The following ASCC3 variants were observed in gnomAD, a reference collection of about 807,000 sequenced individuals.
The protein encoded by ASCC3 is activating signal cointegrator 1 complex subunit 3, also known as ASC-1 complex subunit P200.
ASCC3 carries 158 observed loss-of-function variants against 256.3 expected under a neutral mutation model. The ratio of observed to expected loss-of-function variants is 0.62; its 90% confidence interval spans 0.54 to 0.70. The LOEUF is 0.70. ASCC3 is among the 30% of genes least tolerant of loss of function. The pLI is 0.00. For synonymous variants in ASCC3, 948 were observed against 883.4 expected (o/e 1.07, Z -1.30); for missense variants, 2,259 against 2,626.0 (o/e 0.86, Z 3.05).
intron 10 of ASCC3, among the ~76,000 whole-genome samples, chr6:100,747,450 G>T (rs1780733719): frequency 6.6e-6 from 1 of 152,010 alleles, no homozygotes; most frequent in African/African-American, 2.4e-5. Flanking sequence ...GTTCACAGCA[G>T]ATTTGTAACA....
At chr6:100,663,801 G>GT (rs1225844190) in intron 14 of ASCC3, among the ~76,000 whole-genome samples, 2 of 152,062 alleles carry the variant, frequency 1.3e-5, no homozygotes, top group Non-Finnish European at 2.9e-5. Flanking sequence ...GTGATACATA[G>GT]TTAAGATGAA....
At chr6:100,533,215 C>T (rs1471003744) in intron 37 of ASCC3, among the ~76,000 whole-genome samples, 2 of 151,714 alleles carry the variant, frequency 1.3e-5, no homozygotes, top group Non-Finnish European at 2.9e-5. Context: ...AAATGCAAAA[C>T]CTTTTCAACA....
intron 30 of ASCC3, among the ~76,000 whole-genome samples, chr6:100,618,537 G>C (rs1301416435): frequency 6.6e-6 from 1 of 152,200 alleles, no homozygotes; most frequent in African/African-American, 2.4e-5. Context: ...TATGCAATAG[G>C]TTATGTACTC....
chr6:100,621,276 T>C (rs1357308968), intron 30 of ASCC3, among the ~76,000 whole-genome samples: 1 of 152,176 alleles, frequency 6.6e-6, no homozygotes, highest in African/African-American at 2.4e-5. Context: ...AGCTGTCCTA[T>C]TTTATCACAC....
At chr6:100,578,219 G>A (rs763899080) in intron 36 of ASCC3, among the ~76,000 whole-genome samples, 7 of 151,924 alleles carry the variant, frequency 4.6e-5, no homozygotes, top group Non-Finnish European at 7.4e-5. Flanking sequence ...ATAACATATA[G>A]AATTTTTACC....
At chr6:100,600,598 C>A (rs1289343537) in intron 34 of ASCC3, among the ~76,000 whole-genome samples, 2 of 152,106 alleles carry the variant, frequency 1.3e-5, no homozygotes, top group Non-Finnish European at 2.9e-5. Context: ...AAAGAAACTT[C>A]TTAAGGTGTT....
At chr6:100,805,500 T>A (rs1046532045) in intron 5 of ASCC3, among the ~76,000 whole-genome samples, 1 of 152,078 alleles carries the variant, frequency 6.6e-6, no homozygotes, top group African/African-American at 2.4e-5. Context: ...GTACCTCCTA[T>A]ATGCAAAATA....
At chr6:100,511,121 G>A (rs796654856) in intron 40 of ASCC3, among the ~76,000 whole-genome samples, 18 of 151,906 alleles carry the variant, frequency 1.2e-4, no homozygotes, top group African/African-American at 4.3e-4. Flanking sequence ...TTTTTTATAA[G>A]TTGGAATACA....
intron 16 of ASCC3, among the ~76,000 whole-genome samples, chr6:100,657,504 C>A (rs1227342171): frequency 6.6e-6 from 1 of 151,410 alleles, no homozygotes; most frequent in Non-Finnish European, 1.5e-5. Context: ...TTGTATTAAA[C>A]CATAGACATA....
intron 34 of ASCC3, among the ~76,000 whole-genome samples, chr6:100,598,797 C>T (rs1390271048): frequency 6.6e-6 from 1 of 152,140 alleles, no homozygotes; most frequent in Non-Finnish European, 1.5e-5. Context: ...GCTAACTAAA[C>T]CTTATCTAGT....
intron 13 of ASCC3, among the ~76,000 whole-genome samples, chr6:100,714,560 T>C (rs1779000516): frequency 6.6e-6 from 1 of 152,130 alleles, no homozygotes; most frequent in Admixed American, 6.6e-5. Flanking sequence ...CCTCATAGGT[T>C]GCAGAGAAAA....
chr6:100,797,347 G>A (rs920671704), intron 8 of ASCC3, among the ~76,000 whole-genome samples: 1 of 151,526 alleles, frequency 6.6e-6, no homozygotes, highest in Non-Finnish European at 1.5e-5. Flanking sequence ...CTACTTGGGA[G>A]GCTGAGGCAG....
At chr6:100,823,462 G>A (rs1315299442) in intron 4 of ASCC3, among the ~76,000 whole-genome samples, 1 of 152,128 alleles carries the variant, frequency 6.6e-6, no homozygotes, top group African/African-American at 2.4e-5. Context: ...GAAAAGGCAA[G>A]TTTCACTATT....
At chr6:100,639,171 T>C (rs1774992261) in intron 24 of ASCC3, among the ~76,000 whole-genome samples, 1 of 152,206 alleles carries the variant, frequency 6.6e-6, no homozygotes, top group African/African-American at 2.4e-5. Flanking sequence ...TAAAACCATT[T>C]GCAGACTTCA....
intron 4 of ASCC3, among the ~76,000 whole-genome samples, chr6:100,821,793 C>T (rs1771056517): frequency 6.6e-6 from 1 of 151,830 alleles, no homozygotes; most frequent in Admixed American, 6.6e-5. Context: ...CACTGTACCC[C>T]AGCCTGGATG....
chr6:100,729,207 T>C (rs1779780373), intron 10 of ASCC3, among the ~76,000 whole-genome samples: 1 of 151,572 alleles, frequency 6.6e-6, no homozygotes, highest in South Asian at 2.1e-4. Flanking sequence ...AGGGGGTAAA[T>C]AAGAGAGGGA....
chr6:100,707,122 A>G (rs1312395103), intron 13 of ASCC3, among the ~76,000 whole-genome samples: 3 of 152,086 alleles, frequency 2.0e-5, no homozygotes. Flanking sequence ...TTTACCACAG[A>G]CTTCCCATGC....
chr6:100,783,045 G>A (rs916985639), intron 8 of ASCC3, among the ~76,000 whole-genome samples: 9 of 151,248 alleles, frequency 6.0e-5, no homozygotes, highest in African/African-American at 1.9e-4. Flanking sequence ...CATCTTTTAA[G>A]AAATGGAAAA....
rs556273704 is a variant in ASCC3 at position 100,534,962 on chromosome 6, A to C, written c.5775+5201T>G. On this transcript the variant is annotated intron_variant, in intron 37 of 41. Transcript: ENST00000369162. Reference sequence around the variant, plus strand: ...AAGGGAATAGTTAAATTACTATGATAAAGCGAGGAAATAAAAGAACTACTA... The same window carrying C: ...AAGGGAATAGTTAAATTACTATGATCAAGCGAGGAAATAAAAGAACTACTA... Among the ~76,000 whole-genome samples, 6 of 152,342 alleles carry C rather than the reference A, an allele frequency of 3.9e-5. No homozygotes were observed. The South Asian group carries it at 1.2e-3, about 32-fold the overall frequency.
Sources: allele counts gnomAD v4.1 joint callset (sites outside exome capture counted in the v4.1 genomes callset), GRCh38; gene constraint gnomAD v4.1.1; transcripts MANE v1.5; gene names NCBI Gene and HGNC (gene_info 2026-07-23, HGNC 2026-07-21).